Variants in PAPLN observed in about 807,000 individuals in gnomAD.
PAPLN encodes the protein papilin.
In PAPLN, 146 loss-of-function variants were observed where a neutral mutation model predicts 159.0. That is an observed-to-expected ratio of 0.92 (90% CI 0.80 to 1.05). The LOEUF is 1.05. Ranked by LOEUF, PAPLN falls within the 50% of genes least tolerant of loss-of-function variation. The pLI, the probability that PAPLN is intolerant of heterozygous loss-of-function variation, is 0.00. For missense variants in PAPLN, 1,720 were observed against 1,743.9 expected (o/e 0.99, Z 0.24); for synonymous variants, 734 against 702.9 (o/e 1.04, Z -0.70).
chr14:73,261,077 A>G (rs201926269), intron 17 of PAPLN, 79 bp from the exon 18 acceptor site: 14 of 1,608,486 alleles, frequency 8.7e-6, no homozygotes, highest in Non-Finnish European at 1.1e-5. Context: ...CCTTCCTGCC[A>G]TCCTCCCCGT....
chr14:73,248,361 A>G (rs561545299), intron 5 of PAPLN, among the ~76,000 whole-genome samples: 1 of 152,252 alleles, frequency 6.6e-6, no homozygotes, highest in South Asian at 2.1e-4. Context: ...CATGTCAAAA[A>G]TAATTTGATT....
In PAPLN at chr14:73,273,427, A is replaced by T. The variant is rs1474493815; in HGVS notation, c.*763A>T. ...AGCCTCAGCCTCCTGAGTAGCTGGG[A>T]TTACAGGTATGTGCCACCATGCCTG... On this transcript the variant is annotated 3_prime_UTR_variant, in exon 27 of 27. Coordinates refer to ENST00000644200, the MANE Select transcript of PAPLN (RefSeq NM_001365906.3). 2.0e-5 allele frequency: 3 copies of T among 151,886 alleles called. No individual in the cohort carries two copies. The highest frequency in any genetic ancestry group is 2.0e-4 in the Admixed American group (3 of 15,234). The allele number at this position is 151,886 out of a possible 1,614,324, so 9.4% of individuals were successfully genotyped here.
Position 73,244,707 on chromosome 14 carries a change from C to A in PAPLN, c.118C>A (p.Arg40=). The change falls in exon 3 of 27, where the codon CGG becomes AGG. Residue 40 remains arginine, a synonymous_variant. Transcript: ENST00000644200. ...CTGGAGCCAGTGGAGCCCCTGCAGC[C>A]GGACCTGTGGAGGGGGTGTCAGCTT... ...GPWSQWSPCS[R]TCGGGVSFRE... 1 of 1,599,060 alleles carries A rather than the reference C, an allele frequency of 6.3e-7. No individual in the cohort carries two copies. The highest frequency in any genetic ancestry group is 2.3e-5 in the East Asian group (1 of 44,032).
intron 7 of PAPLN, 85 bp downstream of exon 7, chr14:73,251,115 C>A: frequency 6.6e-7 from 1 of 1,525,430 alleles, no homozygotes; most frequent in Admixed American, 2.0e-5. Flanking sequence ...GGCCTAGACT[C>A]CAGGCCAAGT....
chr14:73,242,045 A>C (rs1391658040), intron 2 of PAPLN, among the ~76,000 whole-genome samples: 1 of 152,282 alleles, frequency 6.6e-6, no homozygotes, highest in African/African-American at 2.4e-5. Context: ...GCTTCACGCC[A>C]TGTCGGGCAG....
intron 14 of PAPLN, among the ~76,000 whole-genome samples, chr14:73,256,863 G>A (rs1885968899): frequency 6.6e-6 from 1 of 151,958 alleles, no homozygotes; most frequent in Admixed American, 6.6e-5. Flanking sequence ...CAGCCTGGGT[G>A]ACAGAGCAAG....
At chr14:73,252,244 G>T in intron 10 of PAPLN, 103 bp downstream of exon 10, 2 of 1,423,254 alleles carry the variant, frequency 1.4e-6, no homozygotes, top group East Asian at 2.6e-5. Context: ...AGTCCCTCCT[G>T]GGGAGATGGA....
Position 73,244,777 on chromosome 14 carries a change from G to A in PAPLN, c.170+18G>A, listed in dbSNP as rs753333401. 2.0e-6 allele frequency: 3 copies of A among 1,504,502 alleles called. No individual in the cohort carries two copies. The highest frequency in any genetic ancestry group is 2.2e-5 in the Admixed American group (1 of 44,514). 93.2% of individuals were successfully genotyped at this position (1,504,502 alleles called of 1,614,324 possible). On this transcript the variant is annotated intron_variant, in intron 3 of 26. Transcript: ENST00000644200. The stretch of plus-strand genomic sequence containing the variant: ...TCCCAGAGGTAGGAGAGATGAAAAT[G>A]GGCCAGCTTGTTAAAGCAGGAGCAG...
In PAPLN at chr14:73,254,483, G is replaced by A. The variant is rs751220204; in HGVS notation, c.1303-30G>A. 67 of 1,609,860 alleles carry A rather than the reference G, an allele frequency of 4.2e-5. No homozygotes were observed. The South Asian group carries it at 4.4e-4, about 11-fold the overall frequency. On this transcript the variant is annotated intron_variant, in intron 12 of 26. Transcript: ENST00000644200. ...TGGCGTGGCTCCTGGGGGCAAGGCC[G>A]AGCTTCTGCTGACAGCCTTGTCCTT...
rs931437076 is a variant in PAPLN at position 73,272,845 on chromosome 14, G to A, written c.*181G>A. ...GGCAGCCAGTTACCAGCTTCTCTCT[G>A]TAGCCTTCAGCAGTGTTTGCATCTC... On this transcript the variant is annotated 3_prime_UTR_variant, in exon 27 of 27. Coordinates refer to ENST00000644200, the MANE Select transcript of PAPLN (RefSeq NM_001365906.3). The A allele has an allele frequency of 1.2e-5, 6 of 519,052 alleles. No homozygotes were observed. The highest frequency in any genetic ancestry group is 1.9e-5 in the Non-Finnish European group (6 of 323,088). The allele number at this position is 519,052 out of a possible 1,614,324, so 32.2% of individuals were successfully genotyped here.
rs746233819 is a variant in PAPLN, at chr14:73,259,478, G to A, written c.1918G>A (p.Asp640Asn). 1.1e-5 allele frequency: 18 copies of A among 1,608,190 alleles called. No individual in the cohort carries two copies. The highest frequency in any genetic ancestry group is 1.6e-4 in the Middle Eastern group (1 of 6,072). The change falls in exon 16 of 27, where the codon GAT (aspartate) becomes AAT (asparagine). Residue 640 changes from aspartate (D) to asparagine (N), a missense_variant. By Grantham distance (23) the Asp-to-Asn change is conservative. Coordinates refer to ENST00000644200, the MANE Select transcript of PAPLN (RefSeq NM_001365906.3). ...ACACAGTCCTCACGGGTGCTGCCCC[G>A]ATGGCCACACGGCATCTCTCGGGCC... ...CRHSPHGCCP[D>N]GHTASLGPQW... is the part of the protein sequence containing the mutation.
rs758397742 is a variant in PAPLN at position 73,259,489 on chromosome 14, G to A, written c.1929G>A (p.Thr643=). Residue 643 remains threonine (T), a synonymous_variant, in exon 16 of 27, where the codon ACG becomes ACA. Coordinates refer to ENST00000644200, the MANE Select transcript of PAPLN (RefSeq NM_001365906.3). ...SPHGCCPDGH[T]ASLGPQWQGC... ...ACGGGTGCTGCCCCGATGGCCACAC[G>A]GCATCTCTCGGGCCTCAGTGGCAAG... is the stretch of plus-strand genomic sequence containing the variant. 2.5e-6 allele frequency: 4 copies of A among 1,605,548 alleles called. No individual in the cohort carries two copies. Among genetic ancestry groups the A allele is most frequent in the Non-Finnish European group, 2.6e-6 (3 of 1,176,442 alleles).
rs534937842 is a variant in PAPLN at position 73,250,822 on chromosome 14, G to A, written c.466-85G>A. ...CACCCTATCCTGCCTGGGCTGCGTG[G>A]GTGCTGGGGTTAGGATGCGACGGGG... On this transcript the variant is annotated intron_variant, in intron 6 of 26. Coordinates refer to ENST00000644200, the MANE Select transcript of PAPLN (RefSeq NM_001365906.3). 7.5e-6 allele frequency: 11 copies of A among 1,456,976 alleles called. No homozygotes were observed. In the African/African-American group the frequency reaches 1.4e-4, roughly 19 times the overall value. The allele number at this position is 1,456,976 out of a possible 1,614,324, so 90.3% of individuals were successfully genotyped here. A position where few individuals can be genotyped will look rare whatever the true frequency, so the allele number is the denominator to read the frequency against.
intron 14 of PAPLN, among the ~76,000 whole-genome samples, chr14:73,258,182 AT>A (rs1465232358): frequency 1.3e-5 from 2 of 152,126 alleles, no homozygotes; most frequent in Non-Finnish European, 2.9e-5. Context: ...GGTTGGTGGT[AT>A]TTAGCGCATT....
rs570253036 is a variant in PAPLN, at chr14:73,265,859, C to CA, written c.3263+358dup. Among the ~76,000 whole-genome samples the CA allele has an allele frequency of 4.6e-5, 7 of 152,190 alleles. No individual in the cohort carries two copies. The highest frequency in any genetic ancestry group is 2.0e-4 in the Admixed American group (3 of 15,286). On this transcript the variant is annotated intron_variant, in intron 23 of 26. Coordinates refer to ENST00000644200, the MANE Select transcript of PAPLN (RefSeq NM_001365906.3). This position sits in a 1 kb window ranked among gnomAD's most constrained non-coding sequence, Gnocchi z 4.1. Reference sequence around the variant, plus strand: ...GGCTTGTGCTCTATCACGTGACCTGCAAAAAAGCCATATTGAGCAGGTGCT... The same window carrying CA: ...GGCTTGTGCTCTATCACGTGACCTGCAAAAAAAGCCATATTGAGCAGGTGCT...
chr14:73,271,211 A>G (rs1241642998), intron 26 of PAPLN, among the ~76,000 whole-genome samples: 2 of 152,206 alleles, frequency 1.3e-5, no homozygotes, highest in Non-Finnish European at 2.9e-5. Context: ...GTACCAGCTC[A>G]GAGTTGATAC....
intron 2 of PAPLN, 128 bp downstream of exon 2, chr14:73,239,960 G>A (rs1363985756): frequency 7.0e-7 from 1 of 1,424,242 alleles, no homozygotes; most frequent in Non-Finnish European, 9.2e-7. Context: ...GAGGAGGCGA[G>A]CCCGCACCGC....
intron 11 of PAPLN, chr14:73,253,215 G>C (rs1415647238): frequency 7.4e-7 from 1 of 1,359,408 alleles, no homozygotes; most frequent in Non-Finnish European, 9.7e-7. Context: ...CCCAGCGAGT[G>C]TGTGGGAACA....
At chr14:73,268,431 C>G (rs559006221) in intron 25 of PAPLN, 126 bp from the exon 26 acceptor site, 34 of 979,084 alleles carry the variant, frequency 3.5e-5, no homozygotes, top group Admixed American at 5.1e-5. Context: ...TCTCCCTGTC[C>G]TCCACCTGTT....
Sources: gnomAD v4.1 joint callset for allele counts (sites outside exome capture counted in the v4.1 genomes callset) on GRCh38, gnomAD v4.1.1 for gene constraint, Gnocchi (gnomAD v3.1) non-coding constraint, MANE v1.5 for transcripts, NCBI Gene and HGNC (gene_info 2026-07-23, HGNC 2026-07-21) for gene names.